Variants in GRAMD1C observed in about 807,000 individuals in gnomAD.
GRAMD1C encodes GRAM domain containing 1C, also known as protein Aster-C.
In GRAMD1C, 89 loss-of-function variants were observed where a neutral mutation model predicts 97.8. The observed-to-expected ratio is 0.91, with a 90% CI of 0.77 to 1.09. GRAMD1C has a LOEUF of 1.09. GRAMD1C is among the 50% of genes least tolerant of loss of function. The pLI, the probability that GRAMD1C is intolerant of heterozygous loss-of-function variation, is 0.00. For synonymous variants in GRAMD1C, 256 were observed against 267.0 expected (o/e 0.96, Z 0.40); for missense variants, 740 against 766.4 (o/e 0.97, Z 0.41).
chr3:113,833,374 G>A (rs1709587650), intron 1 of GRAMD1C, among the ~76,000 whole-genome samples: 1 of 151,826 alleles, frequency 6.6e-6, no homozygotes, highest in Non-Finnish European at 1.5e-5. Flanking sequence ...CCAACCTCAG[G>A]TGATCTGCCC....
At chr3:113,939,182 A>G (rs1331762877) in intron 15 of GRAMD1C, 1 of 152,216 alleles carries the variant, frequency 6.6e-6, no homozygotes, top group African/African-American at 2.4e-5. Context: ...TTAATATTTT[A>G]ATAGAAAAAG....
chr3:113,881,793 T>C (rs923195908), intron 5 of GRAMD1C, among the ~76,000 whole-genome samples: 1 of 152,172 alleles, frequency 6.6e-6, no homozygotes, highest in Non-Finnish European at 1.5e-5. Flanking sequence ...AGATCACATA[T>C]TATATATATA....
intron 2 of GRAMD1C, among the ~76,000 whole-genome samples, chr3:113,852,219 T>G (rs1373977413): frequency 6.6e-6 from 1 of 152,188 alleles, no homozygotes; most frequent in African/African-American, 2.4e-5. Flanking sequence ...GTTTGTAACA[T>G]ACTTTGGCAA....
chr3:113,829,202 C>T (rs1457813159), intron 1 of GRAMD1C, among the ~76,000 whole-genome samples: 2 of 152,110 alleles, frequency 1.3e-5, no homozygotes, highest in South Asian at 4.1e-4. Context: ...ACAGGAGGAT[C>T]ATTTGAGGCC....
intron 1 of GRAMD1C, among the ~76,000 whole-genome samples, chr3:113,840,257 C>T (rs1328513451): frequency 6.6e-6 from 1 of 152,150 alleles, no homozygotes; most frequent in Admixed American, 6.5e-5. Flanking sequence ...TGAGCCACCA[C>T]CGCGCCCGGC....
At chr3:113,918,089 G>C (rs1279133460) in intron 10 of GRAMD1C, among the ~76,000 whole-genome samples, 2 of 152,078 alleles carry the variant, frequency 1.3e-5, no homozygotes, top group African/African-American at 4.8e-5. Flanking sequence ...TGATGATAGA[G>C]TAGCAAAGAG....
At chr3:113,843,521 C>G (rs552368044) in intron 1 of GRAMD1C, among the ~76,000 whole-genome samples, 86 of 152,184 alleles carry the variant, frequency 5.7e-4, no homozygotes, top group African/African-American at 1.9e-3. Flanking sequence ...GCTCTGTCAC[C>G]CAGGCTGGCA....
At chr3:113,833,735 A>C (rs1164164003) in intron 1 of GRAMD1C, among the ~76,000 whole-genome samples, 2 of 152,098 alleles carry the variant, frequency 1.3e-5, no homozygotes, top group Non-Finnish European at 2.9e-5. Context: ...TTTTACTGAG[A>C]CTCAGCTGTT....
At position 113,876,227 on chromosome 3, in the gene GRAMD1C, A is replaced by G; in HGVS notation, c.426A>G (p.Pro142=). Reference sequence around the variant, plus strand: ...AGGAAAAAACTGCTCGACTCATCCCAAACGCTATCCAGATAGTTACAGAAA... The same window carrying G: ...AGGAAAAAACTGCTCGACTCATCCCGAACGCTATCCAGATAGTTACAGAAA... ...MTKEKTARLI[P]NAIQIVTESE... is the part of the protein sequence containing the mutation. Residue 142 remains proline (P), a synonymous_variant, in exon 5 of 18, where the codon CCA becomes CCG. Coordinates refer to ENST00000358160, the MANE Select transcript of GRAMD1C (RefSeq NM_017577.5). 1.9e-6 allele frequency: 3 copies of G among 1,596,026 alleles called. No homozygotes were observed. Among genetic ancestry groups the G allele is most frequent in the Non-Finnish European group, 1.7e-6 (2 of 1,164,002 alleles).
chr3:113,829,511 CA>C (rs112942843), intron 1 of GRAMD1C, among the ~76,000 whole-genome samples: 23 of 147,442 alleles, frequency 1.6e-4, no homozygotes, highest in South Asian at 4.2e-4. Context: ...TGTGCAACTA[CA>C]AAAAAAAAAT....
chr3:113,913,558 G>A (rs73230249), intron 9 of GRAMD1C, among the ~76,000 whole-genome samples: 24,947 of 151,812 alleles, frequency 0.16, 2,429 homozygotes, highest in Non-Finnish European at 0.22. Context: ...ATTCATTATT[G>A]CACAGGAGCT....
At chr3:113,838,606 T>A (rs1709680451), upstream of GRAMD1C, 1 of 332,460 alleles carries the variant, frequency 3.0e-6, no homozygotes, top group Non-Finnish European at 5.4e-6. Flanking sequence ...TCCGAGCAAT[T>A]CACCTTTTCG....
At chr3:113,895,378 GC>G (rs1935895934) in intron 6 of GRAMD1C, among the ~76,000 whole-genome samples, 1 of 152,112 alleles carries the variant, frequency 6.6e-6, no homozygotes, top group African/African-American at 2.4e-5. Flanking sequence ...GCCTCCCTGA[GC>G]CAACTCTAGG....
intron 6 of GRAMD1C, among the ~76,000 whole-genome samples, chr3:113,891,444 T>C (rs1018702776): frequency 2.6e-5 from 4 of 152,126 alleles, no homozygotes; most frequent in African/African-American, 7.2e-5. Context: ...TTTAAAGTCA[T>C]AAAGCCACAT....
intron 1 of GRAMD1C, among the ~76,000 whole-genome samples, chr3:113,843,985 T>C (rs1483891167): frequency 6.6e-6 from 1 of 152,244 alleles, no homozygotes; most frequent in Non-Finnish European, 1.5e-5. Flanking sequence ...GACACTCCCA[T>C]TAAATTGTAT....
chr3:113,862,865 TC>T (rs1015977056), intron 2 of GRAMD1C, among the ~76,000 whole-genome samples: 5 of 152,214 alleles, frequency 3.3e-5, no homozygotes, highest in Admixed American at 6.6e-5. Context: ...TGTTCGGGGT[TC>T]CTGACTTCCT....
chr3:113,873,278 G>GCAA lies in GRAMD1C; in HGVS notation c.260-2199_260-2197dup, dbSNP rs201229735. On this transcript the variant is annotated intron_variant, in intron 3 of 17. Transcript: ENST00000358160. ...CTGTTTCAAAACAACAACAACAACAGCAACAACAAAAAACACTCAAAAAAG... is the reference window on the plus strand; with the variant it reads ...CTGTTTCAAAACAACAACAACAACAGCAACAACAACAAAAAACACTCAAAAAAG... 5.7e-3 allele frequency among the ~76,000 whole-genome samples: 861 copies of GCAA among 151,798 alleles called. 9 individuals carry two copies. The highest frequency in any genetic ancestry group is 0.02 in the African/African-American group (822 of 41,394).
intron 8 of GRAMD1C, among the ~76,000 whole-genome samples, chr3:113,906,587 T>A (rs1559806635): frequency 1.3e-5 from 2 of 152,132 alleles, no homozygotes; most frequent in South Asian, 2.1e-4. Context: ...CAAAAAGTTT[T>A]AAAAAAAAGT....
chr3:113,838,885 T>TGCCGCGGCGGC lies in GRAMD1C; in HGVS notation c.-23_-13dup. On this transcript the variant is annotated 5_prime_UTR_variant, in exon 1 of 18. Transcript: ENST00000358160. ...GTGCGGTGCGGTGCGCGCGGGGCGG[T>TGCCGCGGCGGC]GCCGCGGCGGCGGAGGGAGCCGCGA... The TGCCGCGGCGGC allele has an allele frequency of 8.1e-7, 1 of 1,230,742 alleles. No individual in the cohort carries two copies. The highest frequency in any genetic ancestry group is 1.0e-6 in the Non-Finnish European group (1 of 985,658). 76.2% of individuals were successfully genotyped at this position (1,230,742 alleles called of 1,614,324 possible).
Sources: gnomAD v4.1 joint callset for allele counts (sites outside exome capture counted in the v4.1 genomes callset) on GRCh38, gnomAD v4.1.1 for gene constraint, MANE v1.5 for transcripts, NCBI Gene and HGNC (gene_info 2026-07-23, HGNC 2026-07-21) for gene names.